PCED1B: variants seen among roughly 807,000 people sequenced by gnomAD.
The protein encoded by PCED1B is PC-esterase domain-containing protein 1B.
For synonymous variants in PCED1B, 251 were observed against 246.1 expected, an observed-to-expected ratio of 1.02 and a Z score of -0.19; for missense variants, 573 against 573.9, an observed-to-expected ratio of 1.00 and a Z score of 0.02.
chr12:47,187,824 G>A (rs1942319002), intron 2 of PCED1B: 2 of 153,752 alleles, frequency 1.3e-5, no homozygotes, highest in South Asian at 2.0e-4. Flanking sequence ...CTTCTCCTGG[G>A]GTCTTCCTCT....
chr12:47,205,780 A>C (rs544075936), intron 2 of PCED1B: 1 of 152,308 alleles, frequency 6.6e-6, no homozygotes, highest in Non-Finnish European at 1.5e-5. Context: ...AGGAAAAAAA[A>C]GGGGCAATAA....
At chr12:47,153,314 C>T (rs1046140313) in intron 2 of PCED1B, among the ~76,000 whole-genome samples, 1 of 141,906 alleles carries the variant, frequency 7.0e-6, no homozygotes, top group Non-Finnish European at 1.5e-5. Flanking sequence ...TGCACCACTG[C>T]ACTCCAACTC....
intron 3 of PCED1B, among the ~76,000 whole-genome samples, chr12:47,217,452 GAAAGAAAA>G (rs1382635989): frequency 1.6e-5 from 1 of 63,244 alleles, no homozygotes; most frequent in Non-Finnish European, 3.2e-5. Flanking sequence ...AAGAAAGAAA[GAAAGAAAA>G]AGAAAGAAAG....
rs12580894 is a variant in PCED1B at position 47,129,480 on chromosome 12, C to T, written c.-526+25285C>T. ...CTCCAGCCTGGGTGGCAGAGCGAGA[C>T]CCTGTCTCAAAATAAAATAAAATAA... is the stretch of plus-strand genomic sequence containing the variant. On this transcript the variant is annotated intron_variant, in intron 2 of 3. Transcript: ENST00000546455. Among the ~76,000 whole-genome samples, 7 of 152,082 alleles carry T rather than the reference C, an allele frequency of 4.6e-5. No individual in the cohort carries two copies. The East Asian group carries it at 1.3e-3, about 29-fold the overall frequency.
At chr12:47,215,771 G>A (rs1943238729) in intron 2 of PCED1B, among the ~76,000 whole-genome samples, 1 of 152,038 alleles carries the variant, frequency 6.6e-6, no homozygotes, top group South Asian at 2.1e-4. Context: ...AAAGCGGTTT[G>A]TGGCCTGCCA....
intron 3 of PCED1B, among the ~76,000 whole-genome samples, chr12:47,218,673 T>C (rs551151728): frequency 8.0e-5 from 12 of 149,874 alleles, no homozygotes; most frequent in African/African-American, 2.2e-4. Flanking sequence ...TTTTTTCTTT[T>C]TTTTTTTTTT....
chr12:47,162,257 A>T (rs1941409836), intron 2 of PCED1B, among the ~76,000 whole-genome samples: 1 of 152,096 alleles, frequency 6.6e-6, no homozygotes, highest in African/African-American at 2.4e-5. Flanking sequence ...AACTTAAAGT[A>T]TACTTAAAAA....
At chr12:47,118,311 T>C (rs1010624509) in intron 2 of PCED1B, among the ~76,000 whole-genome samples, 1 of 152,248 alleles carries the variant, frequency 6.6e-6, no homozygotes, top group African/African-American at 2.4e-5. Flanking sequence ...TTGTAGGGTT[T>C]TTATGGTTAT....
At position 47,229,918 on chromosome 12, in the gene PCED1B, C is replaced by T. The variant is rs186636720; in HGVS notation, c.-57-5089C>T. Among the ~76,000 whole-genome samples, 501 of 144,630 alleles carry T rather than the reference C, an allele frequency of 3.5e-3. 2 individuals are homozygous for T. The highest frequency in any genetic ancestry group is 0.012 in the African/African-American group (476 of 39,040). 94.9% of individuals were successfully genotyped at this position (144,630 alleles called of 152,430 possible). A position where few individuals can be genotyped will look rare whatever the true frequency, so the allele number is the denominator to read the frequency against. On this transcript the variant is annotated intron_variant, in intron 3 of 3. Coordinates refer to ENST00000546455, the MANE Select transcript of PCED1B (RefSeq NM_138371.3). ...CCGAGTAGCTGGGACTACAGGCACC[C>T]GCCACCACACCCGGCTAATATTTTT...
chr12:47,155,815 T>C (rs983409849), intron 2 of PCED1B, among the ~76,000 whole-genome samples: 8 of 152,254 alleles, frequency 5.3e-5, no homozygotes, highest in Admixed American at 1.3e-4. Context: ...AGAATGGTAC[T>C]GTATCTAAAT....
intron 1 of PCED1B, among the ~76,000 whole-genome samples, chr12:47,084,158 C>T (rs1012906683): frequency 3.3e-5 from 5 of 152,162 alleles, no homozygotes; most frequent in African/African-American, 9.7e-5. Context: ...ATAGTTTAGC[C>T]TAGCCTGCCT....
chr12:47,127,325 C>G (rs890623860), intron 2 of PCED1B, among the ~76,000 whole-genome samples: 1 of 150,610 alleles, frequency 6.6e-6, no homozygotes, highest in African/African-American at 2.4e-5. Flanking sequence ...TATTTAGTTT[C>G]CAAATACTTG....
intron 2 of PCED1B, among the ~76,000 whole-genome samples, chr12:47,148,952 T>G (rs1188438716): frequency 6.6e-6 from 1 of 152,216 alleles, no homozygotes; most frequent in Non-Finnish European, 1.5e-5. Flanking sequence ...TTTTTTCTCC[T>G]TCCCCATCCC....
chr12:47,111,626 A>G (rs1055869162), intron 2 of PCED1B, among the ~76,000 whole-genome samples: 1 of 151,806 alleles, frequency 6.6e-6, no homozygotes, highest in Non-Finnish European at 1.5e-5. Context: ...CCACATTTCT[A>G]CTTTCTGCCT....
chr12:47,227,810 G>A (rs1283698511), intron 3 of PCED1B, among the ~76,000 whole-genome samples: 4 of 151,704 alleles, frequency 2.6e-5, no homozygotes, highest in South Asian at 4.2e-4. Flanking sequence ...CTGAGATCTC[G>A]CCACTGCACT....
At chr12:47,202,523 G>C (rs931651390) in intron 2 of PCED1B, among the ~76,000 whole-genome samples, 3 of 137,308 alleles carry the variant, frequency 2.2e-5, no homozygotes, top group Admixed American at 1.6e-4. Context: ...GCCCCAGTTT[G>C]ATCTGATTCT....
intron 2 of PCED1B, among the ~76,000 whole-genome samples, chr12:47,114,888 T>A (rs959662891): frequency 1.3e-5 from 2 of 152,220 alleles, no homozygotes; most frequent in African/African-American, 4.8e-5. Context: ...GAAGGTTTAA[T>A]AACATAGTCT....
chr12:47,108,170 T>A (rs1334535490), intron 2 of PCED1B, among the ~76,000 whole-genome samples: 1 of 152,046 alleles, frequency 6.6e-6, no homozygotes, highest in Non-Finnish European at 1.5e-5. Context: ...CACAGGTGAG[T>A]AAGCATTGCT....
In PCED1B at chr12:47,201,423, C is replaced by G. The variant is rs546057175; in HGVS notation, c.-525-14799C>G. Among the ~76,000 whole-genome samples, 5 of 152,104 alleles carry G rather than the reference C, an allele frequency of 3.3e-5. No individual in the cohort carries two copies. In the South Asian group the frequency reaches 1.0e-3, roughly 32 times the overall value. On this transcript the variant is annotated intron_variant, in intron 2 of 3. Transcript: ENST00000546455. ...AGGAAGGGGCTGCCAGTGAAAGAGC[C>G]AAGATGGAGTCTGTCTGGCTCTCTT...
Sources: allele counts gnomAD v4.1 joint callset (sites outside exome capture counted in the v4.1 genomes callset), GRCh38; gene constraint gnomAD v4.1.1; transcripts MANE v1.5; gene names NCBI Gene and HGNC (gene_info 2026-07-23, HGNC 2026-07-21).